The following LIPK variants were observed in gnomAD, a reference collection of about 807,000 sequenced individuals.
LIPK encodes lipase member K.
A neutral mutation model predicts 48.6 loss-of-function variants in LIPK; 32 were observed. The ratio of observed to expected loss-of-function variants is 0.66; its 90% CI spans 0.50 to 0.88. The LOEUF is 0.88. Ranked by LOEUF, LIPK falls within the 40% of genes least tolerant of loss-of-function variation. LIPK has a pLI of 0.00. For missense variants in LIPK, 507 were observed against 478.5 expected (o/e 1.06, Z -0.56); for synonymous variants, 164 against 157.4 (o/e 1.04, Z -0.32).
At chr10:88,750,630 T>A (rs1034774721) in intron 9 of LIPK, among the ~76,000 whole-genome samples, 1 of 152,130 alleles carries the variant, frequency 6.6e-6, no homozygotes, top group East Asian at 1.9e-4. Context: ...AGGGGAACAA[T>A]AGACACTGGG....
intron 3 of LIPK, chr10:88,727,393 TAAACTA>T: frequency 5.4e-6 from 1 of 183,966 alleles, no homozygotes; most frequent in African/African-American, 2.4e-5. Flanking sequence ...TCACTGGTAT[TAAACTA>T]TTTGTAGTCA....
At chr10:88,749,561 T>A (rs776265859) in intron 9 of LIPK, among the ~76,000 whole-genome samples, 2 of 152,214 alleles carry the variant, frequency 1.3e-5, no homozygotes, top group Non-Finnish European at 2.9e-5. Flanking sequence ...GCTAGCCATA[T>A]GCAGAAGATT....
chr10:88,732,423 G>C lies in LIPK; in HGVS notation c.541G>C (p.Ala181Pro). ...GTCTTCTTCCATTTCAGCTTTTATAGCATTTTCTACAAACCCAGAACTGGC... is the reference window on the plus strand; with the variant it reads ...GTCTTCTTCCATTTCAGCTTTTATACCATTTTCTACAAACCCAGAACTGGC... ...HSQGTTIAFI[A>P]FSTNPELAKK... The change falls in exon 6 of 10, where the codon GCA becomes CCA. Residue 181 changes from alanine to proline, a missense_variant. By Grantham distance (27) the Ala-to-Pro change is conservative. Coordinates refer to ENST00000404190, the MANE Select transcript of LIPK (RefSeq NM_001080518.2). The C allele has an allele frequency of 6.2e-7, 1 of 1,607,036 alleles. No homozygotes were observed. Among genetic ancestry groups the C allele is most frequent in the South Asian group, 1.1e-5 (1 of 88,986 alleles).
intron 8 of LIPK, among the ~76,000 whole-genome samples, chr10:88,740,776 T>G (rs530574508): frequency 6.6e-6 from 1 of 151,982 alleles, no homozygotes; most frequent in East Asian, 1.9e-4. Flanking sequence ...GGGAAAGTGG[T>G]GGTGTCTTCT....
At chr10:88,706,949 T>A (rs1313556840) in intron 1 of LIPK, among the ~76,000 whole-genome samples, 1 of 152,104 alleles carries the variant, frequency 6.6e-6, no homozygotes, top group Admixed American at 6.6e-5. Flanking sequence ...TTTAAGAGTA[T>A]CATGCTCCTG....
chr10:88,732,647 A>G lies in LIPK; in HGVS notation c.669+96A>G, dbSNP rs1284458144. 3.3e-6 allele frequency: 4 copies of G among 1,215,654 alleles called. No homozygotes were observed. The East Asian group carries it at 9.4e-5, about 28-fold the overall frequency. The allele number at this position is 1,215,654 out of a possible 1,614,324, so 75.3% of individuals were successfully genotyped here. On this transcript the variant is annotated intron_variant, in intron 6 of 9. Coordinates refer to ENST00000404190, the MANE Select transcript of LIPK (RefSeq NM_001080518.2). Reference sequence around the variant, plus strand: ...ACCAATGACATTTTACAAACTTCTGAGAAAATAATAGGTATTCAAGATATC... The same window carrying G: ...ACCAATGACATTTTACAAACTTCTGGGAAAATAATAGGTATTCAAGATATC...
intron 9 of LIPK, among the ~76,000 whole-genome samples, chr10:88,748,280 G>A (rs535597263): frequency 1.3e-5 from 2 of 152,258 alleles, no homozygotes; most frequent in East Asian, 1.9e-4. Context: ...GTTGGATGGC[G>A]AGGGAAGGGA....
In LIPK at chr10:88,719,016, A is replaced by C. The variant is rs377250146; in HGVS notation, c.-11-5517A>C. Among the ~76,000 whole-genome samples the C allele has an allele frequency of 5.9e-5, 9 of 152,286 alleles. No homozygotes were observed. In the East Asian group the frequency reaches 7.7e-4, roughly 13 times the overall value. ...GACACAGAAGATTTAAAAAGTTATA[A>C]ATACGAAGTATTTGTATTTATAATA... On this transcript the variant is annotated intron_variant, in intron 1 of 9. Transcript: ENST00000404190.
At chr10:88,731,234 A>G in intron 4 of LIPK, 53 bp downstream of exon 4, 1 of 1,342,808 alleles carries the variant, frequency 7.4e-7, no homozygotes, top group Non-Finnish European at 9.8e-7. Context: ...ATGCATATGT[A>G]TGAACACCTA....
At chr10:88,709,934 G>T (rs73350707) in intron 1 of LIPK, among the ~76,000 whole-genome samples, 1 of 151,416 alleles carries the variant, frequency 6.6e-6, no homozygotes, top group Non-Finnish European at 1.5e-5. Context: ...AGAGTCAAAG[G>T]TCTAGAATTT....
At chr10:88,737,901 T>A in intron 7 of LIPK, 120 bp downstream of exon 7, 2 of 1,015,686 alleles carry the variant, frequency 2.0e-6, no homozygotes, top group Non-Finnish European at 3.0e-6. Context: ...TGGAATGTAA[T>A]TAGTACATTT....
chr10:88,745,418 G>T (rs2134784411), intron 9 of LIPK, among the ~76,000 whole-genome samples: 1 of 152,244 alleles, frequency 6.6e-6, no homozygotes, highest in South Asian at 2.1e-4. Context: ...ACCTCATCAG[G>T]CTAACTGTGG....
At position 88,752,507 on chromosome 10, in the gene LIPK, T is replaced by C. The variant is rs935673791; in HGVS notation, c.961-10T>C. On this transcript the variant is annotated splice_polypyrimidine_tract_variant and intron_variant, in intron 9 of 9. Transcript: ENST00000404190. Reference sequence around the variant, plus strand: ...TAAAAACTTTTCTCTCTCTCTTTTATTGTATTTAGCTTACACCTCCTTTAT... The same window carrying C: ...TAAAAACTTTTCTCTCTCTCTTTTACTGTATTTAGCTTACACCTCCTTTAT... 47 of 1,528,932 alleles carry C rather than the reference T, an allele frequency of 3.1e-5. No homozygotes were observed. The highest frequency in any genetic ancestry group is 3.7e-5 in the Non-Finnish European group (42 of 1,126,514). 94.7% of individuals were successfully genotyped at this position (1,528,932 alleles called of 1,614,324 possible).
intron 9 of LIPK, among the ~76,000 whole-genome samples, chr10:88,748,666 C>G (rs1342674284): frequency 6.6e-6 from 1 of 150,842 alleles, no homozygotes; most frequent in Non-Finnish European, 1.5e-5. Context: ...CCATTTCTGA[C>G]AAACCCACAG....
At position 88,749,346 on chromosome 10, in the gene LIPK, TACTTG is replaced by T. The variant is rs781662857; in HGVS notation, c.961-3166_961-3162del. Among the ~76,000 whole-genome samples, 388 of 152,108 alleles carry T rather than the reference TACTTG, an allele frequency of 2.6e-3. 1 individual carries two copies. Among genetic ancestry groups the T allele is most frequent in the Non-Finnish European group, 4.9e-3 (332 of 67,906 alleles). ...GCAAAAAGAGCAAAGCTGGAGGCATTACTTGACTTCAAACTATACTACAAGGCTAC... is the reference window on the plus strand; with the variant it reads ...GCAAAAAGAGCAAAGCTGGAGGCATTACTTCAAACTATACTACAAGGCTAC... On this transcript the variant is annotated intron_variant, in intron 9 of 9. Transcript: ENST00000404190.
intron 6 of LIPK, among the ~76,000 whole-genome samples, chr10:88,736,393 T>G (rs765074989): frequency 6.6e-6 from 1 of 152,178 alleles, no homozygotes; most frequent in Non-Finnish European, 1.5e-5. Flanking sequence ...ATAATTAAAC[T>G]TGCCAAATTG....
chr10:88,743,270 C>A lies in LIPK; in HGVS notation c.909C>A (p.Leu303=). The change falls in exon 9 of 10, where the codon CTC becomes CTA. Residue 303 remains leucine (L), a synonymous_variant. Coordinates refer to ENST00000404190, the MANE Select transcript of LIPK (RefSeq NM_001080518.2). ...TTTAGGCTGTTAATTCTGGTCAGCT[C>A]CAAGCTTTTGATTGGGGAAACTCTG... ...HWAQAVNSGQ[L]QAFDWGNSDQ... The A allele has an allele frequency of 1.3e-6, 2 of 1,590,746 alleles. No individual in the cohort carries two copies. Among genetic ancestry groups the A allele is most frequent in the Non-Finnish European group, 1.7e-6 (2 of 1,166,500 alleles).
At chr10:88,726,961 T>C (rs1449568596) in intron 3 of LIPK, 49 bp downstream of exon 3, 2 of 1,082,122 alleles carry the variant, frequency 1.8e-6, no homozygotes. Context: ...GCAGAGGTAC[T>C]TAGATGTCCT....
chr10:88,727,006 T>C (rs765260114), intron 3 of LIPK, 94 bp downstream of exon 3: 1 of 727,932 alleles, frequency 1.4e-6, no homozygotes, highest in African/African-American at 1.8e-5. Context: ...CTGAAATTCT[T>C]AACAGTCCTT....
Sources: gnomAD v4.1 joint callset for allele counts (sites outside exome capture counted in the v4.1 genomes callset) on GRCh38, gnomAD v4.1.1 for gene constraint, MANE v1.5 for transcripts, NCBI Gene and HGNC (gene_info 2026-07-23, HGNC 2026-07-21) for gene names.